The following ABCB11 variants were observed in gnomAD, a reference collection of about 807,000 sequenced individuals.
ABCB11 encodes the protein bile salt export pump.
ABCB11 carries 95 observed loss-of-function variants against 148.0 expected under a neutral mutation model. That is an observed-to-expected ratio of 0.64 (90% CI 0.54 to 0.76). The LOEUF (loss-of-function observed/expected upper bound fraction) is 0.76. Among genes scored for constraint, ABCB11 ranks in the 30% least tolerant of loss-of-function variants. The pLI is 0.00. For synonymous variants in ABCB11, 591 were observed against 555.4 expected, an observed-to-expected ratio of 1.06 and a Z score of -0.90; for missense variants, 1,523 against 1,617.8, an observed-to-expected ratio of 0.94 and a Z score of 1.01.
chr2:168,981,613 G>A (rs550089534), intron 10 of ABCB11, among the ~76,000 whole-genome samples: 88 of 152,240 alleles, frequency 5.8e-4, no homozygotes, highest in African/African-American at 2.0e-3. Flanking sequence ...AGGCGGTAAA[G>A]GAAGCAGATA....
intron 1 of ABCB11, among the ~76,000 whole-genome samples, chr2:169,029,722 C>CT (rs1558936844): frequency 1.8e-5 from 2 of 114,124 alleles, no homozygotes; most frequent in East Asian, 2.9e-4. Flanking sequence ...CAGTTCTTTC[C>CT]TCTTTTTTTT....
At chr2:168,935,083 G>A (rs1691753495) in intron 23 of ABCB11, 101 bp downstream of exon 23, 10 of 1,484,794 alleles carry the variant, frequency 6.7e-6, no homozygotes, top group Non-Finnish European at 8.3e-6. Context: ...AAGACACCAA[G>A]CTTGGGATGG....
intron 1 of ABCB11, among the ~76,000 whole-genome samples, chr2:169,023,535 A>G (rs1695596439): frequency 6.6e-6 from 1 of 152,246 alleles, no homozygotes; most frequent in South Asian, 2.1e-4. Context: ...CAAGAGATTG[A>G]TTCAATAATC....
chr2:168,918,675 C>A (rs963151172), downstream of ABCB11, among the ~76,000 whole-genome samples: 2 of 152,148 alleles, frequency 1.3e-5, no homozygotes, highest in Non-Finnish European at 2.9e-5. Flanking sequence ...CTTATTTGAC[C>A]TTTACCCCAT....
chr2:169,014,640 C>A (rs993362171), intron 3 of ABCB11, among the ~76,000 whole-genome samples: 1 of 152,094 alleles, frequency 6.6e-6, no homozygotes, highest in Admixed American at 6.6e-5. Flanking sequence ...CCAGTTATAC[C>A]AACAAATAAC....
intron 5 of ABCB11, 129 bp downstream of exon 5, chr2:169,013,143 A>T (rs1695238543): frequency 1.5e-6 from 1 of 659,456 alleles, no homozygotes; most frequent in African/African-American, 1.8e-5. Flanking sequence ...ATATGGGTAA[A>T]CTCATGTTTC....
At chr2:168,964,943 G>C (rs1217011467) in intron 17 of ABCB11, among the ~76,000 whole-genome samples, 1 of 151,738 alleles carries the variant, frequency 6.6e-6, no homozygotes, top group East Asian at 2.0e-4. Flanking sequence ...GGTGATGTTG[G>C]GGACACAAAG....
chr2:168,978,752 T>C (rs1295978462), intron 11 of ABCB11, among the ~76,000 whole-genome samples: 1 of 151,960 alleles, frequency 6.6e-6, no homozygotes, highest in Non-Finnish European at 1.5e-5. Context: ...ACGTTCTCAC[T>C]CTGTTGCCCA....
At chr2:169,001,934 T>A (rs1694886815) in intron 5 of ABCB11, among the ~76,000 whole-genome samples, 1 of 152,182 alleles carries the variant, frequency 6.6e-6, no homozygotes, top group Non-Finnish European at 1.5e-5. Context: ...TTGTTTTACA[T>A]ATAATGGATT....
chr2:168,926,107 G>A (rs911482904), intron 26 of ABCB11, among the ~76,000 whole-genome samples: 2 of 152,148 alleles, frequency 1.3e-5, no homozygotes, highest in South Asian at 2.1e-4. Context: ...TTTTCCCAGG[G>A]ATATTTTTAA....
intron 12 of ABCB11, among the ~76,000 whole-genome samples, chr2:168,974,364 G>A (rs749699173): frequency 2.0e-5 from 3 of 151,916 alleles, no homozygotes; most frequent in African/African-American, 7.3e-5. Flanking sequence ...TGTTTGCTAC[G>A]TAGAGGCTGA....
chr2:169,018,208 T>A, intron 1 of ABCB11, 56 bp from the exon 2 acceptor site: 1 of 1,483,296 alleles, frequency 6.7e-7, no homozygotes, highest in South Asian at 1.2e-5. Context: ...TCTTCTTTAA[T>A]CAAAGTAGCC....
intron 1 of ABCB11, among the ~76,000 whole-genome samples, chr2:169,020,253 G>A (rs1016545104): frequency 1.3e-5 from 2 of 152,002 alleles, no homozygotes; most frequent in African/African-American, 2.4e-5. Context: ...TTAAATATAT[G>A]TTTGATTAAA....
chr2:169,011,155 C>T lies in ABCB11; in HGVS notation c.389+2117G>A, dbSNP rs538284823. Among the ~76,000 whole-genome samples, 38 of 152,278 alleles carry T rather than the reference C, an allele frequency of 2.5e-4. 2 individuals carry two copies. In the South Asian group the frequency reaches 6.4e-3, roughly 26 times the overall value. On this transcript the variant is annotated intron_variant, in intron 5 of 27. Coordinates refer to ENST00000650372, the MANE Select transcript of ABCB11 (RefSeq NM_003742.4). ...ATAAGCACCTAGTATCATGTATATG[C>T]CTCAAATTTTGGCTCCTCTCACATT...
intron 1 of ABCB11, among the ~76,000 whole-genome samples, chr2:169,029,146 T>A (rs1179385861): frequency 3.3e-5 from 5 of 151,980 alleles, no homozygotes; most frequent in African/African-American, 9.7e-5. Context: ...AGTCTTGCCC[T>A]CTGTAAAGAC....
At chr2:168,934,573 A>G (rs1691731664) in intron 23 of ABCB11, among the ~76,000 whole-genome samples, 3 of 152,154 alleles carry the variant, frequency 2.0e-5, no homozygotes, top group Admixed American at 2.0e-4. Flanking sequence ...GCCTAGGAGG[A>G]GTCAGTTGGG....
At chr2:168,935,885 T>C (rs923497629) in intron 22 of ABCB11, among the ~76,000 whole-genome samples, 4 of 152,134 alleles carry the variant, frequency 2.6e-5, no homozygotes, top group Non-Finnish European at 4.4e-5. Context: ...AGGGGAACCA[T>C]TAAATTGCAA....
chr2:169,011,355 TA>T (rs1027182837), intron 5 of ABCB11, among the ~76,000 whole-genome samples: 20 of 152,182 alleles, frequency 1.3e-4, no homozygotes, highest in African/African-American at 4.8e-4. Flanking sequence ...AACCCCTCTG[TA>T]AAAAGCAGTT....
intron 10 of ABCB11, among the ~76,000 whole-genome samples, chr2:168,984,936 CTTAA>C (rs1694262451): frequency 6.6e-6 from 1 of 152,046 alleles, no homozygotes; most frequent in South Asian, 2.1e-4. Context: ...ATAGGTGAGA[CTTAA>C]TTAAACTAAA....
Sources: allele counts gnomAD v4.1 joint callset (sites outside exome capture counted in the v4.1 genomes callset), GRCh38; gene constraint gnomAD v4.1.1; transcripts MANE v1.5; gene names NCBI Gene and HGNC (gene_info 2026-07-23, HGNC 2026-07-21).